NVL: variants seen among roughly 807,000 people sequenced by gnomAD.
The protein encoded by NVL is nuclear VCP like, also known as nuclear valosin-containing protein-like.
In NVL, 84 loss-of-function variants were observed where a neutral mutation model predicts 110.2. That is an observed-to-expected ratio of 0.76 (90% CI 0.64 to 0.91). The LOEUF (loss-of-function observed/expected upper bound fraction) is 0.91. Among genes scored for constraint, NVL ranks in the 40% least tolerant of loss-of-function variants. NVL has a pLI of 0.00. For synonymous variants in NVL, 354 were observed against 361.1 expected (o/e 0.98, Z 0.22); for missense variants, 882 against 1,035.9 (o/e 0.85, Z 2.04).
intron 22 of NVL, 139 bp downstream of exon 22, chr1:224,231,087 C>T (rs564866176): frequency 9.8e-5 from 57 of 580,332 alleles, no homozygotes; most frequent in African/African-American, 9.7e-4. Flanking sequence ...GAGCAGAGAT[C>T]GCACCACTGC....
At chr1:224,269,301 G>C (rs1247609266) in intron 17 of NVL, among the ~76,000 whole-genome samples, 1 of 151,090 alleles carries the variant, frequency 6.6e-6, no homozygotes, top group Non-Finnish European at 1.5e-5. Context: ...GCCCAGGCTA[G>C]TCTCGAACCC....
chr1:224,263,192 T>G (rs1425005583), intron 18 of NVL, among the ~76,000 whole-genome samples: 2 of 152,194 alleles, frequency 1.3e-5, no homozygotes, highest in Admixed American at 6.5e-5. Context: ...GATTTGAAAC[T>G]GGGTCCCTCC....
intron 19 of NVL, among the ~76,000 whole-genome samples, chr1:224,238,469 C>G (rs976323966): frequency 3.9e-5 from 6 of 152,168 alleles, no homozygotes; most frequent in African/African-American, 1.4e-4. Context: ...CACATACCAG[C>G]GTCTCACTGC....
chr1:224,231,436 A>C lies in NVL; in HGVS notation c.2456-140T>G. 4.7e-6 allele frequency: 3 copies of C among 640,622 alleles called. No individual in the cohort carries two copies. The South Asian group carries it at 5.6e-5, about 12-fold the overall frequency. The allele number at this position is 640,622 out of a possible 1,614,324, so 39.7% of individuals were successfully genotyped here. The stretch of plus-strand genomic sequence containing the variant: ...GATGAGATGGGCTCTGTTCTTTTTC[A>C]GAACAGTATTCTAGCCAGATATATT... On this transcript the variant is annotated intron_variant, in intron 21 of 22. Coordinates refer to ENST00000281701, the MANE Select transcript of NVL (RefSeq NM_002533.4).
At chr1:224,244,899 G>C (rs1240245238) in intron 19 of NVL, among the ~76,000 whole-genome samples, 1 of 152,144 alleles carries the variant, frequency 6.6e-6, no homozygotes, top group African/African-American at 2.4e-5. Context: ...TATTGGCCAG[G>C]CTGGTCTCGA....
At chr1:224,264,904 G>A (rs1664340221) in intron 18 of NVL, among the ~76,000 whole-genome samples, 1 of 152,064 alleles carries the variant, frequency 6.6e-6, no homozygotes, top group Non-Finnish European at 1.5e-5. Context: ...GTGCCACCAT[G>A]CCCGGCTAAT....
At chr1:224,326,349 G>C (rs1367021796) in intron 2 of NVL, 42 bp downstream of exon 2, 1 of 1,413,268 alleles carries the variant, frequency 7.1e-7, no homozygotes, top group Non-Finnish European at 9.9e-7. Flanking sequence ...AATGGTAAAG[G>C]AGACATAAAA....
At chr1:224,282,741 T>C (rs10799558) in intron 15 of NVL, among the ~76,000 whole-genome samples, 152,301 of 152,318 alleles carry the variant, frequency 1, 76,142 homozygotes, top group Non-Finnish European at 1. Flanking sequence ...CTACCACTTC[T>C]AAAACTGGAC....
intron 5 of NVL, among the ~76,000 whole-genome samples, chr1:224,308,743 CACAA>C (rs1435616988): frequency 6.7e-6 from 1 of 148,480 alleles, no homozygotes. Context: ...TAAGATGACT[CACAA>C]ACAAGCATTT....
chr1:224,275,235 TC>T, intron 17 of NVL, 103 bp downstream of exon 17: 1 of 1,327,426 alleles, frequency 7.5e-7, no homozygotes, highest in Non-Finnish European at 1.1e-6. Context: ...ATTAAGAGTC[TC>T]AATGCTCCCA....
intron 4 of NVL, among the ~76,000 whole-genome samples, chr1:224,316,959 G>A (rs1238986687): frequency 6.6e-6 from 1 of 151,942 alleles, no homozygotes; most frequent in Non-Finnish European, 1.5e-5. Context: ...CCAACATGGT[G>A]AAACCCCGTC....
intron 20 of NVL, among the ~76,000 whole-genome samples, chr1:224,234,806 T>G (rs1571763027): frequency 6.6e-6 from 1 of 152,136 alleles, no homozygotes; most frequent in South Asian, 2.1e-4. Flanking sequence ...TATAGTGGCA[T>G]GAAAATCCAA....
intron 19 of NVL, among the ~76,000 whole-genome samples, chr1:224,247,752 C>A (rs572526705): frequency 2.6e-5 from 4 of 152,234 alleles, no homozygotes; most frequent in African/African-American, 9.6e-5. Flanking sequence ...CTCAAGTGAT[C>A]CTCCTGTCTC....
In NVL at chr1:224,301,306, T is replaced by C. The variant is rs185703850; in HGVS notation, c.961-643A>G. Among the ~76,000 whole-genome samples the C allele has an allele frequency of 1.1e-4, 16 of 152,268 alleles. No homozygotes were observed. The East Asian group carries it at 3.1e-3, about 29-fold the overall frequency. ...TTTTTGGAGAGACTGTGTCTCACTA[T>C]GTTGCCCAGGCTGGTCCCAAACTCC... On this transcript the variant is annotated intron_variant, in intron 9 of 22. Transcript: ENST00000281701.
chr1:224,285,366 C>T (rs549465952), intron 15 of NVL, among the ~76,000 whole-genome samples: 2 of 152,180 alleles, frequency 1.3e-5, no homozygotes, highest in East Asian at 1.9e-4. Flanking sequence ...ACTCGGGAGG[C>T]GGAAGTTGCA....
chr1:224,305,497 G>A (rs895648611), intron 6 of NVL: 86 of 182,966 alleles, frequency 4.7e-4, no homozygotes, highest in African/African-American at 2.0e-3. Context: ...AAAAAAAAAA[G>A]AAAAAAGAAA....
intron 11 of NVL, 54 bp downstream of exon 11, chr1:224,296,447 A>T: frequency 1.1e-6 from 1 of 902,632 alleles, no homozygotes; most frequent in Non-Finnish European, 1.7e-6. Flanking sequence ...TGTATTAATT[A>T]CACTATTTTA....
Position 224,250,314 on chromosome 1 carries a change from T to A in NVL, c.2187A>T (p.Ile729=). ...FIMAATNRPD[I]IDPAILRPGR... ...CCGGGCGCAGGATTGCAGGGTCAAT[T>A]ATATCTAGAGAAGAAGGGAGAAAAA... Residue 729 remains isoleucine (I), a synonymous_variant, in exon 19 of 23, where the codon ATA becomes ATT. Coordinates refer to ENST00000281701, the MANE Select transcript of NVL (RefSeq NM_002533.4). 1.9e-6 allele frequency: 3 copies of A among 1,569,252 alleles called. No homozygotes were observed. The highest frequency in any genetic ancestry group is 2.6e-6 in the Non-Finnish European group (3 of 1,164,570).
At chr1:224,317,370 T>C (rs537151469) in intron 4 of NVL, among the ~76,000 whole-genome samples, 3 of 152,104 alleles carry the variant, frequency 2.0e-5, no homozygotes, top group Non-Finnish European at 4.4e-5. Flanking sequence ...ATAACAAATA[T>C]CTGTAACTAG....
Sources: allele counts gnomAD v4.1 joint callset (sites outside exome capture counted in the v4.1 genomes callset), GRCh38; gene constraint gnomAD v4.1.1; transcripts MANE v1.5; gene names NCBI Gene and HGNC (gene_info 2026-07-23, HGNC 2026-07-21).